Variants in ZFHX3 observed in about 807,000 individuals in gnomAD.
ZFHX3 encodes zinc finger homeobox protein 3.
ZFHX3 carries 42 observed loss-of-function variants against 279.1 expected under a neutral mutation model. The observed-to-expected ratio is 0.15, with a 90% CI of 0.12 to 0.19. The LOEUF (loss-of-function observed/expected upper bound fraction) is 0.19, where lower values mean the gene tolerates loss of function less well. Ranked by LOEUF, ZFHX3 falls within the 10% of genes least tolerant of loss-of-function variation. ZFHX3 has a pLI of 1.00. For missense variants in ZFHX3, 4,981 were observed against 4,754.0 expected (o/e 1.05, Z -1.40); for synonymous variants, 2,293 against 1,957.8 (o/e 1.17, Z -4.52).
chr16:73,015,085 C>A (rs1189683612), intron 1 of ZFHX3: 1 of 122,144 alleles, frequency 8.2e-6, no homozygotes, highest in African/African-American at 3.1e-5. Context: ...CTCACTCTGT[C>A]TCTCAAGCTG....
At chr16:73,129,669 C>T (rs371137035) in intron 7 of ZFHX3, among the ~76,000 whole-genome samples, 5 of 150,574 alleles carry the variant, frequency 3.3e-5, no homozygotes, top group South Asian at 2.1e-4. Context: ...TGTGTGCCCA[C>T]GCCTGTGTGC....
intron 1 of ZFHX3, among the ~76,000 whole-genome samples, chr16:73,734,385 C>T (rs963827311): frequency 6.6e-6 from 1 of 152,160 alleles, no homozygotes; most frequent in Admixed American, 6.5e-5. Context: ...GATTTTGTAG[C>T]ATCTTAATTT....
At chr16:73,854,262 A>G (rs1961661824) in intron 1 of ZFHX3, among the ~76,000 whole-genome samples, 1 of 152,198 alleles carries the variant, frequency 6.6e-6, no homozygotes, top group Non-Finnish European at 1.5e-5. Context: ...ACAGTGGCTC[A>G]TGCCTGTAAT....
chr16:73,282,137 C>T (rs992334963), intron 4 of ZFHX3, among the ~76,000 whole-genome samples: 1 of 152,164 alleles, frequency 6.6e-6, no homozygotes, highest in Admixed American at 6.5e-5. Context: ...ACAGTTTTCC[C>T]TTTGTATTTT....
At chr16:73,242,748 T>C (rs1021671297) in intron 5 of ZFHX3, among the ~76,000 whole-genome samples, 1 of 152,142 alleles carries the variant, frequency 6.6e-6, no homozygotes, top group African/African-American at 2.4e-5. Flanking sequence ...ACAAACTGGA[T>C]GAGGCTGGTT....
Position 72,787,137 on chromosome 16 carries a change from T to G in ZFHX3, c.*27A>C. On this transcript the variant is annotated 3_prime_UTR_variant, in exon 10 of 10. Coordinates refer to ENST00000268489, the MANE Select transcript of ZFHX3 (RefSeq NM_006885.4). ...TTATTAATTTTTGTATTTAAATTCA[T>G]TTGTTTGTATTGTTCATCTTCAAAG... 7.3e-7 allele frequency: 1 copy of G among 1,375,676 alleles called. No homozygotes were observed. The allele number at this position is 1,375,676 out of a possible 1,614,324, so 85.2% of individuals were successfully genotyped here.
At chr16:73,005,266 C>T (rs1380689925) in intron 1 of ZFHX3, among the ~76,000 whole-genome samples, 2 of 152,216 alleles carry the variant, frequency 1.3e-5, no homozygotes, top group East Asian at 3.9e-4. Context: ...GAGGCCAAGG[C>T]GGGAAGATAA....
chr16:73,684,110 G>A (rs1484085985), intron 1 of ZFHX3, among the ~76,000 whole-genome samples: 5 of 152,182 alleles, frequency 3.3e-5, no homozygotes, highest in East Asian at 1.9e-4. Flanking sequence ...CCTGGGCAGC[G>A]TAGCAAGACC....
At chr16:73,537,364 T>G (rs1346025119) in intron 2 of ZFHX3, among the ~76,000 whole-genome samples, 2 of 134,170 alleles carry the variant, frequency 1.5e-5, no homozygotes, top group Non-Finnish European at 3.1e-5. Context: ...TTGCCCAGGC[T>G]GGAGTGCAGT....
intron 1 of ZFHX3, among the ~76,000 whole-genome samples, chr16:73,848,004 C>T (rs1184498083): frequency 6.6e-6 from 1 of 150,740 alleles, no homozygotes; most frequent in African/African-American, 2.4e-5. Flanking sequence ...CATGATCCAC[C>T]CACCTCGGCT....
chr16:73,008,435 TA>T (rs898824958), intron 1 of ZFHX3, among the ~76,000 whole-genome samples: 4 of 150,974 alleles, frequency 2.6e-5, no homozygotes, highest in Admixed American at 1.3e-4. Flanking sequence ...CTCTGGCAAA[TA>T]AAAAAAAACC....
intron 1 of ZFHX3, among the ~76,000 whole-genome samples, chr16:73,856,706 C>A (rs1191939138): frequency 6.6e-6 from 1 of 152,126 alleles, no homozygotes; most frequent in Non-Finnish European, 1.5e-5. Flanking sequence ...CAGGGTTATA[C>A]CATAATCAGG....
At chr16:73,337,454 T>G (rs570111795) in intron 3 of ZFHX3, among the ~76,000 whole-genome samples, 1 of 152,278 alleles carries the variant, frequency 6.6e-6, no homozygotes, top group African/African-American at 2.4e-5. Context: ...CACCTCCCGT[T>G]ACTGCTTCCA....
At chr16:73,009,021 G>A (rs1229037904) in intron 1 of ZFHX3, among the ~76,000 whole-genome samples, 1 of 152,098 alleles carries the variant, frequency 6.6e-6, no homozygotes, top group East Asian at 1.9e-4. Context: ...ACATGAAGCT[G>A]AGGCAGTACA....
intron 4 of ZFHX3, among the ~76,000 whole-genome samples, chr16:72,858,568 G>T (rs1436052702): frequency 6.6e-6 from 1 of 152,216 alleles, no homozygotes; most frequent in East Asian, 1.9e-4. Flanking sequence ...CATCAGCAGG[G>T]TAGCCAAGTT....
chr16:73,632,684 C>CA (rs61449751), intron 2 of ZFHX3, among the ~76,000 whole-genome samples: 4,379 of 107,112 alleles, frequency 0.041, 230 homozygotes, highest in African/African-American at 0.13. Context: ...GACTCTGTCT[C>CA]AAAAAAAAAA....
chr16:73,543,599 G>A (rs896315049), intron 2 of ZFHX3, among the ~76,000 whole-genome samples: 1 of 152,160 alleles, frequency 6.6e-6, no homozygotes, highest in South Asian at 2.1e-4. Flanking sequence ...TCAAGTGGAG[G>A]CCTGCCTGGC....
intron 3 of ZFHX3, among the ~76,000 whole-genome samples, chr16:73,333,861 C>G (rs2143235559): frequency 7.5e-6 from 1 of 134,122 alleles, no homozygotes; most frequent in South Asian, 2.5e-4. Flanking sequence ...AGAAGGTACA[C>G]AAGAGGAGCA....
At chr16:73,808,561 C>G (rs1286155227) in intron 1 of ZFHX3, 2 of 152,170 alleles carry the variant, frequency 1.3e-5, no homozygotes, top group African/African-American at 4.8e-5. Context: ...CAATGGCACG[C>G]TAGTCAGCTT....
Sources: allele counts gnomAD v4.1 joint callset (sites outside exome capture counted in the v4.1 genomes callset), GRCh38; gene constraint gnomAD v4.1.1; transcripts MANE v1.5; gene names NCBI Gene and HGNC (gene_info 2026-07-23, HGNC 2026-07-21).